SNX4: variants seen among roughly 807,000 people sequenced by gnomAD.
SNX4 encodes the protein sorting nexin 4.
SNX4 carries 49 observed loss-of-function variants against 70.8 expected under a neutral mutation model. The ratio of observed to expected loss-of-function variants is 0.69; its 90% CI spans 0.55 to 0.88. The LOEUF is 0.88. Among genes scored for constraint, SNX4 ranks in the 40% least tolerant of loss-of-function variants. The pLI, the probability that SNX4 is intolerant of heterozygous loss-of-function variation, is 0.00. For missense variants in SNX4, 528 were observed against 544.8 expected (o/e 0.97, Z 0.31); for synonymous variants, 206 against 183.8 (o/e 1.12, Z -0.98).
chr3:125,448,669 C>CTTTTTTTTTTTT (rs921502028), intron 13 of SNX4, among the ~76,000 whole-genome samples: 1 of 95,374 alleles, frequency 1.0e-5, no homozygotes, highest in Non-Finnish European at 2.0e-5. Context: ...GGGTTTTTTC[C>CTTTTTTTTTTTT]TTTTTTTTTT....
Position 125,475,915 on chromosome 3 carries a change from T to C in SNX4, c.788+780A>G, listed in dbSNP as rs913510289. 3.3e-5 allele frequency among the ~76,000 whole-genome samples: 5 copies of C among 149,828 alleles called. No homozygotes were observed. The South Asian group carries it at 1.1e-3, about 32-fold the overall frequency. On this transcript the variant is annotated intron_variant, in intron 8 of 13. Coordinates refer to ENST00000251775, the MANE Select transcript of SNX4 (RefSeq NM_003794.4). ...ATCACTAGAGCCTGAGAGGCAGAGG[T>C]TGCAGTGAGCCAAGACCTACACCAC... is the stretch of plus-strand genomic sequence containing the variant.
intron 8 of SNX4, among the ~76,000 whole-genome samples, chr3:125,472,591 G>A (rs1934200662): frequency 6.6e-6 from 1 of 152,146 alleles, no homozygotes; most frequent in African/African-American, 2.4e-5. Flanking sequence ...TAAAACTCAA[G>A]CCTTCAGAGA....
chr3:125,504,741 T>G lies in SNX4; in HGVS notation c.145A>C (p.Thr49Pro). The change falls in exon 2 of 14, where the codon ACA becomes CCA. Residue 49 changes from threonine (T) to proline (P), a missense_variant. Around this residue, in one of 3 missense-constraint regions of SNX4, gnomAD observed 341 missense variants for 312.2 expected, o/e 1.09. Transcript: ENST00000251775. ...GEESSGVDTM[T>P]HNNFWLKKIE... Reference sequence around the variant, plus strand: ...TTCTTCAACCAAAAATTATTGTGTGTCATCTGGACAAAAGTAAATAAAACA... The same window carrying G: ...TTCTTCAACCAAAAATTATTGTGTGGCATCTGGACAAAAGTAAATAAAACA... 1.2e-6 allele frequency: 2 copies of G among 1,612,876 alleles called. No individual in the cohort carries two copies. The highest frequency in any genetic ancestry group is 1.7e-6 in the Non-Finnish European group (2 of 1,179,470).
At chr3:125,518,217 A>T (rs765004922) in intron 1 of SNX4, among the ~76,000 whole-genome samples, 14 of 152,180 alleles carry the variant, frequency 9.2e-5, no homozygotes, top group Non-Finnish European at 2.1e-4. Context: ...CCAGCTACTC[A>T]GAAGGCTGAG....
In SNX4 at chr3:125,458,671, G is replaced by A. The variant is rs982796651; in HGVS notation, c.945-1306C>T. 3.3e-5 allele frequency among the ~76,000 whole-genome samples: 5 copies of A among 151,820 alleles called. No individual in the cohort carries two copies. In the East Asian group the frequency reaches 5.8e-4, roughly 18 times the overall value. On this transcript the variant is annotated intron_variant, in intron 10 of 13. Coordinates refer to ENST00000251775, the MANE Select transcript of SNX4 (RefSeq NM_003794.4). ...CTCTACTAAAAATACAAAAAAAGCC[G>A]GGAGAGGTGGCAGGCGCCTGTACTC...
intron 2 of SNX4, among the ~76,000 whole-genome samples, chr3:125,502,918 T>TG (rs1934963247): frequency 1.1e-5 from 1 of 88,100 alleles, no homozygotes; most frequent in Non-Finnish European, 2.1e-5. Flanking sequence ...GGTTTGGTAG[T>TG]TTTTTTTTTT....
chr3:125,473,229 A>G (rs1463315554), intron 8 of SNX4, among the ~76,000 whole-genome samples: 2 of 152,060 alleles, frequency 1.3e-5, no homozygotes, highest in Non-Finnish European at 2.9e-5. Flanking sequence ...TACTGTTGCC[A>G]TCTTCACATC....
At chr3:125,495,251 T>TATATATATATATATAC (rs1934759729) in intron 5 of SNX4, among the ~76,000 whole-genome samples, 2 of 13,484 alleles carry the variant, frequency 1.5e-4, no homozygotes, top group South Asian at 4.0e-3. Flanking sequence ...ATTCTCTCTT[T>TATATATATATATATAC]ATATATATAT....
At chr3:125,460,901 T>C in intron 9 of SNX4, 41 bp from the exon 10 acceptor site, 1 of 982,766 alleles carries the variant, frequency 1.0e-6, no homozygotes. Flanking sequence ...AGAGTTACTT[T>C]CATTGGAATA....
chr3:125,514,988 T>A (rs1466020010), intron 1 of SNX4, among the ~76,000 whole-genome samples: 1 of 105,266 alleles, frequency 9.5e-6, no homozygotes, highest in Non-Finnish European at 1.9e-5. Flanking sequence ...AATTTAAAAA[T>A]ATAGAAAAAT....
chr3:125,487,252 G>A (rs1579995167), intron 6 of SNX4, among the ~76,000 whole-genome samples: 1 of 152,036 alleles, frequency 6.6e-6, no homozygotes, highest in Admixed American at 6.5e-5. Flanking sequence ...CAGAATTTAA[G>A]ACAAACAAAT....
At chr3:125,498,300 C>A in intron 2 of SNX4, 106 bp from the exon 3 acceptor site, 2 of 1,051,662 alleles carry the variant, frequency 1.9e-6, no homozygotes, top group African/African-American at 1.6e-5. Context: ...ATGAACCAGG[C>A]ACTAAGTAAA....
At chr3:125,509,084 G>A (rs906758527) in intron 1 of SNX4, among the ~76,000 whole-genome samples, 3 of 151,830 alleles carry the variant, frequency 2.0e-5, no homozygotes, top group African/African-American at 7.3e-5. Flanking sequence ...TGTAATCTCA[G>A]CACTTTGGGA....
At chr3:125,462,545 T>C (rs1478091816) in intron 9 of SNX4, among the ~76,000 whole-genome samples, 1 of 140,406 alleles carries the variant, frequency 7.1e-6, no homozygotes, top group African/African-American at 2.7e-5. Flanking sequence ...GAGCTGTGAA[T>C]GTGCCATTGT....
chr3:125,499,887 C>T (rs1934886513), intron 2 of SNX4, among the ~76,000 whole-genome samples: 1 of 151,752 alleles, frequency 6.6e-6, no homozygotes, highest in South Asian at 2.1e-4. Flanking sequence ...GGTGAAACCC[C>T]GTCTCTACTA....
At chr3:125,488,530 T>C (rs1350706158) in intron 6 of SNX4, among the ~76,000 whole-genome samples, 2 of 152,098 alleles carry the variant, frequency 1.3e-5, no homozygotes, top group African/African-American at 4.8e-5. Flanking sequence ...ACCTCCTAAT[T>C]ACCAAAATTT....
chr3:125,478,568 G>T (rs1304724942), intron 7 of SNX4, among the ~76,000 whole-genome samples: 1 of 151,914 alleles, frequency 6.6e-6, no homozygotes, highest in Admixed American at 6.6e-5. Flanking sequence ...TTGCAGTAGG[G>T]AACATCTTAC....
chr3:125,466,352 A>T (rs1934017889), intron 9 of SNX4, among the ~76,000 whole-genome samples: 2 of 151,894 alleles, frequency 1.3e-5, no homozygotes, highest in African/African-American at 4.8e-5. Context: ...AACAAAAAAA[A>T]AAAAAAGAAA....
chr3:125,514,837 C>A (rs1367123046), intron 1 of SNX4, among the ~76,000 whole-genome samples: 1 of 152,162 alleles, frequency 6.6e-6, no homozygotes, highest in Non-Finnish European at 1.5e-5. Flanking sequence ...GCACAGGTCA[C>A]CACACTAGGC....
Sources: gnomAD v4.1 joint callset for allele counts (sites outside exome capture counted in the v4.1 genomes callset) on GRCh38, gnomAD v4.1.1 for gene constraint, gnomAD v4.1.1 regional missense constraint, MANE v1.5 for transcripts, NCBI Gene and HGNC (gene_info 2026-07-23, HGNC 2026-07-21) for gene names.